The following AK8 variants were observed in gnomAD, a reference collection of about 807,000 sequenced individuals.
AK8 encodes the protein ATP-AMP transphosphorylase 8.
AK8 carries 44 observed loss-of-function variants against 54.6 expected under a neutral mutation model. The ratio of observed to expected loss-of-function variants is 0.81; its 90% CI spans 0.63 to 1.04. The LOEUF (loss-of-function observed/expected upper bound fraction) is 1.04, where lower values mean the gene tolerates loss of function less well. AK8 is among the 50% of genes least tolerant of loss of function. The pLI is 0.00. For synonymous variants in AK8, 239 were observed against 245.6 expected, an observed-to-expected ratio of 0.97 and a Z score of 0.25; for missense variants, 555 against 613.6, an observed-to-expected ratio of 0.90 and a Z score of 1.01.
intron 3 of AK8, among the ~76,000 whole-genome samples, chr9:132,865,406 T>C (rs1301951475): frequency 6.6e-6 from 1 of 152,204 alleles, no homozygotes; most frequent in African/African-American, 2.4e-5. Flanking sequence ...CCATGATACA[T>C]GCTCACAGCA....
intron 10 of AK8, among the ~76,000 whole-genome samples, chr9:132,805,978 T>G (rs1840704027): frequency 1.3e-5 from 2 of 151,896 alleles, no homozygotes; most frequent in Admixed American, 6.6e-5. Context: ...TAGGCCACCC[T>G]ACAGCGGGGG....
chr9:132,768,530 G>A (rs1417196958), intron 11 of AK8, among the ~76,000 whole-genome samples: 1 of 152,168 alleles, frequency 6.6e-6, no homozygotes, highest in Non-Finnish European at 1.5e-5. Flanking sequence ...GCCTCCCCAA[G>A]TGCTGGGATT....
chr9:132,855,884 G>A (rs2131388495), intron 4 of AK8, among the ~76,000 whole-genome samples: 1 of 152,274 alleles, frequency 6.6e-6, no homozygotes, highest in South Asian at 2.1e-4. Flanking sequence ...GTCTGGGTGT[G>A]CTCAACTCTA....
intron 1 of AK8, 138 bp from the exon 2 acceptor site, chr9:132,875,337 A>T (rs1844046503): frequency 2.0e-6 from 3 of 1,481,826 alleles, no homozygotes. Context: ...CCACCGCCCC[A>T]GCTGGCATCT....
chr9:132,847,248 A>AAAG (rs1842787615), intron 5 of AK8, among the ~76,000 whole-genome samples: 1 of 152,172 alleles, frequency 6.6e-6, no homozygotes, highest in Admixed American at 6.5e-5. Context: ...CTGAAAAGGG[A>AAAG]AAGGCAGGTC....
intron 10 of AK8, among the ~76,000 whole-genome samples, chr9:132,797,217 C>T (rs1309014574): frequency 6.9e-6 from 1 of 144,838 alleles, no homozygotes; most frequent in Non-Finnish European, 1.5e-5. Flanking sequence ...AAGCAGGGAT[C>T]CCCCCAGTAG....
At chr9:132,815,336 T>C (rs1230863949) in intron 9 of AK8, among the ~76,000 whole-genome samples, 1 of 152,158 alleles carries the variant, frequency 6.6e-6, no homozygotes, top group Non-Finnish European at 1.5e-5. Flanking sequence ...GGCAGATCAC[T>C]TAAGATCAGG....
rs369353142 is a variant in AK8 at position 132,850,654 on chromosome 9, TC to T, written c.402+4202del. Among the ~76,000 whole-genome samples the T allele has an allele frequency of 4.9e-3, 747 of 152,304 alleles. 12 individuals carry two copies. Among genetic ancestry groups the T allele is most frequent in the African/African-American group, 0.017 (687 of 41,574 alleles). ...CTCAGGTGATCCGCCCGCCTCGCCTTCCCAAAATACTGGGATTACAGGCGTG... is the reference window on the plus strand; with the variant it reads ...CTCAGGTGATCCGCCCGCCTCGCCTTCCAAAATACTGGGATTACAGGCGTG... On this transcript the variant is annotated intron_variant, in intron 5 of 12. Coordinates refer to ENST00000298545, the MANE Select transcript of AK8 (RefSeq NM_152572.3).
At chr9:132,743,947 C>G (rs1564377366) in intron 11 of AK8, among the ~76,000 whole-genome samples, 1 of 152,166 alleles carries the variant, frequency 6.6e-6, no homozygotes, top group Non-Finnish European at 1.5e-5. Context: ...TGCTTTGTTC[C>G]CTGAAGTTGG....
chr9:132,808,366 A>C (rs1431149805), intron 10 of AK8, among the ~76,000 whole-genome samples: 8 of 152,204 alleles, frequency 5.3e-5, no homozygotes, highest in Non-Finnish European at 8.8e-5. Context: ...GTCCAGGCAC[A>C]GAATAAGCAT....
In AK8 at chr9:132,860,310, G is replaced by T. The variant is rs80128487; in HGVS notation, c.333+3355C>A. On this transcript the variant is annotated intron_variant, in intron 4 of 12. Transcript: ENST00000298545. The surrounding 1 kb of genome is among the most constrained non-coding windows in gnomAD (Gnocchi z 4.4). The stretch of plus-strand genomic sequence containing the variant: ...GTGGAATCCTCAGTGACACTTCTAG[G>T]TGTGATAATGTGTCTCTATGCGTTT... Among the ~76,000 whole-genome samples the T allele has an allele frequency of 0.018, 2,816 of 152,264 alleles. 102 individuals carry two copies. Among genetic ancestry groups the T allele is most frequent in the African/African-American group, 0.064 (2,674 of 41,526 alleles).
chr9:132,823,041 A>G (rs1331354707), intron 9 of AK8, among the ~76,000 whole-genome samples, 164 bp downstream of exon 9: 6 of 152,206 alleles, frequency 3.9e-5, no homozygotes, highest in African/African-American at 1.4e-4. Flanking sequence ...AATTCCTGCA[A>G]AGATGGACTA....
chr9:132,848,037 G>A (rs1029706237), intron 5 of AK8, among the ~76,000 whole-genome samples: 1 of 148,984 alleles, frequency 6.7e-6, no homozygotes, highest in African/African-American at 2.5e-5. Flanking sequence ...GATTGCTTGA[G>A]CCCAGGAGGT....
intron 10 of AK8, among the ~76,000 whole-genome samples, chr9:132,812,947 A>AC (rs1841134894): frequency 1.4e-5 from 1 of 71,556 alleles, no homozygotes; most frequent in African/African-American, 5.5e-5. Flanking sequence ...CACTGCCCTG[A>AC]GCCTACACAG....
chr9:132,857,920 T>C (rs1450089637), intron 4 of AK8, among the ~76,000 whole-genome samples: 1 of 152,202 alleles, frequency 6.6e-6, no homozygotes, highest in African/African-American at 2.4e-5. Flanking sequence ...AGAGGCCGCT[T>C]CTAGAAGCCC....
Position 132,826,898 on chromosome 9 carries a change from T to G in AK8, c.713A>C (p.Lys238Thr), listed in dbSNP as rs745843711. The G allele has an allele frequency of 1.9e-6, 3 of 1,614,096 alleles. No homozygotes were observed. The African/African-American group carries it at 4.0e-5, about 22-fold the overall frequency. ...RVIPSYPKIL[K>T]VISADQPCVD... ...ACATGGCTGGTCAGCACTGATGACT[T>G]TGAGGATTTTGGGGTAGGAGGGAAT... The change falls in exon 8 of 13, where the codon AAA becomes ACA. Residue 238 changes from lysine to threonine, a missense_variant. Lys to Thr is a moderately conservative substitution (Grantham distance 78). Coordinates refer to ENST00000298545, the MANE Select transcript of AK8 (RefSeq NM_152572.3). This position sits in a 1 kb window ranked among gnomAD's most constrained non-coding sequence, Gnocchi z 4.5.
At chr9:132,734,705 C>T (rs928810414) in intron 11 of AK8, among the ~76,000 whole-genome samples, 13 of 152,002 alleles carry the variant, frequency 8.6e-5, no homozygotes, top group African/African-American at 2.9e-4. Context: ...CACTGTACTC[C>T]GGCCTGGGTG....
chr9:132,823,747 C>T (rs766159103), intron 8 of AK8, among the ~76,000 whole-genome samples: 2 of 152,224 alleles, frequency 1.3e-5, no homozygotes, highest in Non-Finnish European at 1.5e-5. Flanking sequence ...CCGGAAGCCC[C>T]GGAACTAGGC....
chr9:132,789,597 C>CAAAA (rs578003731), intron 11 of AK8, among the ~76,000 whole-genome samples: 415 of 55,828 alleles, frequency 7.4e-3, no homozygotes, highest in Middle Eastern at 0.021. Context: ...ACTCATCTCA[C>CAAAA]AAAAAAAAAA....
Sources: allele counts gnomAD v4.1 joint callset (sites outside exome capture counted in the v4.1 genomes callset), GRCh38; gene constraint gnomAD v4.1.1; non-coding constraint Gnocchi (gnomAD v3.1); transcripts MANE v1.5; gene names NCBI Gene and HGNC (gene_info 2026-07-23, HGNC 2026-07-21).